SMTNL1: variants seen among roughly 807,000 people sequenced by gnomAD.
The protein encoded by SMTNL1 is smoothelin-like protein 1.
In SMTNL1, 41 loss-of-function variants were observed where a neutral mutation model predicts 46.6. The observed-to-expected ratio is 0.88, with a 90% CI of 0.69 to 1.14. The LOEUF is 1.14. Ranked by LOEUF, SMTNL1 falls within the 50% of genes most tolerant of loss-of-function variation. The probability of loss-of-function intolerance (pLI) is 0.00; values close to 1 mark genes in which losing one functional copy is unlikely to be tolerated. For missense variants in SMTNL1, 591 were observed against 626.1 expected (o/e 0.94, Z 0.60); for synonymous variants, 234 against 234.2 (o/e 1.00, Z 0.01).
At chr11:57,548,090 T>A (rs987565467) in intron 7 of SMTNL1, among the ~76,000 whole-genome samples, 1 of 152,122 alleles carries the variant, frequency 6.6e-6, no homozygotes, top group African/African-American at 2.4e-5. Flanking sequence ...GAGGAGTCTA[T>A]GAGAACGTCC....
intron 4 of SMTNL1, among the ~76,000 whole-genome samples, chr11:57,544,356 G>A (rs145465798): frequency 1.3e-5 from 2 of 152,266 alleles, no homozygotes; most frequent in Non-Finnish European, 1.5e-5. Context: ...CTGCAGCCTG[G>A]GCGACAGAGC....
rs936623491 is a variant in SMTNL1, at chr11:57,543,219, G to A, written c.577G>A (p.Ala193Thr). The A allele has an allele frequency of 6.2e-7, 1 of 1,613,888 alleles. No homozygotes were observed. The highest frequency in any genetic ancestry group is 8.5e-7 in the Non-Finnish European group (1 of 1,179,874). Reference protein sequence around the residue: ...KECSTEPKEKATDEEAKAESQ... With the variant: ...KECSTEPKEKTTDEEAKAESQ... The stretch of plus-strand genomic sequence containing the variant: ...GTGCAGCACTGAACCCAAGGAGAAG[G>A]CTACTGATGAAGAGGCCAAGGCTGA... Residue 193 changes from alanine (A) to threonine (T), a missense_variant, in exon 2 of 8, where the codon GCT (alanine) becomes ACT (threonine). Ala to Thr is a moderately conservative substitution (Grantham distance 58). Coordinates refer to ENST00000527972, the MANE Select transcript of SMTNL1 (RefSeq NM_001105565.3).
At chr11:57,539,185 TA>T (rs1349199751) in intron 1 of SMTNL1, among the ~76,000 whole-genome samples, 5 of 151,380 alleles carry the variant, frequency 3.3e-5, no homozygotes, top group Non-Finnish European at 5.9e-5. Flanking sequence ...CCCATCTCTA[TA>T]AAAAAAATAA....
intron 7 of SMTNL1, 55 bp from the exon 8 acceptor site, chr11:57,549,913 G>C: frequency 6.3e-7 from 1 of 1,596,684 alleles, no homozygotes; most frequent in Non-Finnish European, 8.6e-7. Context: ...CATCCCCTTG[G>C]CTCCCATATC....
intron 4 of SMTNL1, among the ~76,000 whole-genome samples, chr11:57,545,133 G>A (rs545569068): frequency 6.6e-5 from 10 of 151,740 alleles, no homozygotes; most frequent in African/African-American, 2.2e-4. Context: ...CACTGTGCCC[G>A]GCCTCCTTGT....
At position 57,546,243 on chromosome 11, in the gene SMTNL1, G is replaced by A. The variant is rs1255118053; in HGVS notation, c.1084G>A (p.Gly362Ser). ...CCTCTCCCCTCACAGGGCAGCTTCC[G>A]GCCCCACGGCCTTGTTCCGCAACAC... ...IVDKFGGAAS[G>S]PTALFRNTKA... is the part of the protein sequence containing the mutation. Residue 362 changes from glycine (G) to serine (S), a missense_variant, in exon 6 of 8, where the codon GGC (glycine) becomes AGC (serine). Transcript: ENST00000527972. 15 of 1,601,032 alleles carry A rather than the reference G, an allele frequency of 9.4e-6. No homozygotes were observed. Among genetic ancestry groups the A allele is most frequent in the African/African-American group, 1.3e-5 (1 of 74,694 alleles).
rs995645999 is a variant in SMTNL1 at position 57,540,538 on chromosome 11, G to C, written c.-2-2103G>C. ...CTAGTTTTCCACAGAACACAATGTG[G>C]AGAACCTGATCCAGATGAACCCCAT... On this transcript the variant is annotated intron_variant, in intron 1 of 7. Transcript: ENST00000527972. 3.3e-5 allele frequency among the ~76,000 whole-genome samples: 5 copies of C among 152,232 alleles called. No individual in the cohort carries two copies. The East Asian group carries it at 9.6e-4, about 29-fold the overall frequency.
Position 57,549,954 on chromosome 11 carries a change from A to C in SMTNL1, c.1341-14A>C, listed in dbSNP as rs1221081046. On this transcript the variant is annotated splice_polypyrimidine_tract_variant and intron_variant, in intron 7 of 7. Coordinates refer to ENST00000527972, the MANE Select transcript of SMTNL1 (RefSeq NM_001105565.3). Reference sequence around the variant, plus strand: ...CCTTTGACCTTCTGCTCCTCATTCCACCCCATTCCTTAGGAAACTGGCTGA... The same window carrying C: ...CCTTTGACCTTCTGCTCCTCATTCCCCCCCATTCCTTAGGAAACTGGCTGA... 6.2e-7 allele frequency: 1 copy of C among 1,612,786 alleles called. No homozygotes were observed.
chr11:57,550,127 C>T lies in SMTNL1; in HGVS notation c.*15C>T. 6.2e-7 allele frequency: 1 copy of T among 1,605,998 alleles called. No homozygotes were observed. Among genetic ancestry groups the T allele is most frequent in the Non-Finnish European group, 8.5e-7 (1 of 1,175,824 alleles). Reference sequence around the variant, plus strand: ...AGAAGAAGTGAGGAGGTGACTGGCTCTGTGGGCAGAGATGGGCAGGGTGCC... The same window carrying T: ...AGAAGAAGTGAGGAGGTGACTGGCTTTGTGGGCAGAGATGGGCAGGGTGCC... On this transcript the variant is annotated 3_prime_UTR_variant, in exon 8 of 8. Transcript: ENST00000527972.
In SMTNL1 at chr11:57,550,085, A is replaced by G; in HGVS notation, c.1458A>G (p.Lys486=). 6.2e-7 allele frequency: 1 copy of G among 1,613,600 alleles called. No individual in the cohort carries two copies. The highest frequency in any genetic ancestry group is 8.5e-7 in the Non-Finnish European group (1 of 1,179,744). Residue 486 remains lysine, a synonymous_variant, in exon 8 of 8, where the codon AAA becomes AAG. Transcript: ENST00000527972. ...AACTGTACCGCAGCCTTGTGCAGAA[A>G]GGACTGGTGAAGACCAAGAAGAAGT... is the stretch of plus-strand genomic sequence containing the variant. The part of the protein sequence containing the change: ...IQELYRSLVQ[K]GLVKTKKK
intron 4 of SMTNL1, among the ~76,000 whole-genome samples, chr11:57,545,092 C>T (rs961738368): frequency 6.6e-6 from 1 of 152,074 alleles, no homozygotes; most frequent in African/African-American, 2.4e-5. Flanking sequence ...CCACCTTGGC[C>T]TCCCAAAGTG....
At position 57,538,616 on chromosome 11, in the gene SMTNL1, C is replaced by T. The variant is rs184435841; in HGVS notation, c.-3+974C>T. Reference sequence around the variant, plus strand: ...GGGCCTTTGTAGGGACACTGGGCTGCGGAGCTAGTGGGAGCATATATTTGA... The same window carrying T: ...GGGCCTTTGTAGGGACACTGGGCTGTGGAGCTAGTGGGAGCATATATTTGA... On this transcript the variant is annotated intron_variant, in intron 1 of 7. Coordinates refer to ENST00000527972, the MANE Select transcript of SMTNL1 (RefSeq NM_001105565.3). Among the ~76,000 whole-genome samples the T allele has an allele frequency of 9.2e-3, 1,400 of 152,252 alleles. 10 individuals are homozygous for T. Among genetic ancestry groups the T allele is most frequent in the Non-Finnish European group, 0.012 (822 of 68,020 alleles).
chr11:57,545,960 C>T lies in SMTNL1; in HGVS notation c.997C>T (p.Arg333Cys), dbSNP rs369115170. The T allele has an allele frequency of 1.7e-4, 271 of 1,613,450 alleles. 1 individual carries two copies. In the African/African-American group the frequency reaches 3.0e-3, roughly 18 times the overall value. The change falls in exon 5 of 8, where the codon CGC becomes TGC. Residue 333 changes from arginine to cysteine, a missense_variant. By Grantham distance (180) the Arg-to-Cys change is radical (BLOSUM62 -3). Transcript: ENST00000527972. ...SGEKKEKAPE[R>C]RVSAPARPRG... The stretch of plus-strand genomic sequence containing the variant: ...GGAGAAGAAGGAGAAGGCACCAGAG[C>T]GCAGGGTATCAGCCCCTGCTCGGCC...
At chr11:57,543,421 T>G in intron 2 of SMTNL1, 47 bp downstream of exon 2, 1 of 1,582,588 alleles carries the variant, frequency 6.3e-7, no homozygotes, top group Non-Finnish European at 8.6e-7. Flanking sequence ...GTCTCCTGCT[T>G]CTGGAAGCAA....
rs1271623079 is a variant in SMTNL1, at chr11:57,542,788, A to C, written c.146A>C (p.Glu49Ala). The C allele has an allele frequency of 6.2e-7, 1 of 1,613,812 alleles. No individual in the cohort carries two copies. Among genetic ancestry groups the C allele is most frequent in the African/African-American group, 1.3e-5 (1 of 74,940 alleles). ...GCCATCAATGAGGGGCCTCCCACTGAGTCAGGAAAGCAGGAAAAGGCACCA... is the reference window on the plus strand; with the variant it reads ...GCCATCAATGAGGGGCCTCCCACTGCGTCAGGAAAGCAGGAAAAGGCACCA... ...GKAINEGPPT[E>A]SGKQEKAPAE... Residue 49 changes from glutamate to alanine, a missense_variant, in exon 2 of 8, where the codon GAG (glutamate) becomes GCG (alanine). Transcript: ENST00000527972.
chr11:57,545,252 A>G (rs1265751761), intron 4 of SMTNL1, among the ~76,000 whole-genome samples: 1 of 152,154 alleles, frequency 6.6e-6, no homozygotes, highest in Non-Finnish European at 1.5e-5. Flanking sequence ...TCCTCATTTT[A>G]CAGATGAGGA....
rs558985418 is a variant in SMTNL1, at chr11:57,547,201, A to G, written c.1340+549A>G. Among the ~76,000 whole-genome samples the G allele has an allele frequency of 1.1e-4, 16 of 152,358 alleles. No individual in the cohort carries two copies. In the South Asian group the frequency reaches 1.5e-3, roughly 14 times the overall value. On this transcript the variant is annotated intron_variant, in intron 7 of 7. Coordinates refer to ENST00000527972, the MANE Select transcript of SMTNL1 (RefSeq NM_001105565.3). ...AGTCTGGACTTACAGCTCTAAGTGA[A>G]TATCAGAAGGGCAAGCAGCTCTGCT...
intron 1 of SMTNL1, chr11:57,541,414 C>T (rs1379046194): frequency 2.0e-5 from 24 of 1,225,700 alleles, no homozygotes; most frequent in East Asian, 1.0e-4. Flanking sequence ...AGGAGCTAAC[C>T]CGGGGCCCCC....
At chr11:57,547,355 C>T (rs1028593278) in intron 7 of SMTNL1, among the ~76,000 whole-genome samples, 7 of 152,084 alleles carry the variant, frequency 4.6e-5, no homozygotes, top group African/African-American at 1.4e-4. Context: ...AAAGACAGGC[C>T]GACAGGAGGC....
Sources: allele counts gnomAD v4.1 joint callset (sites outside exome capture counted in the v4.1 genomes callset), GRCh38; gene constraint gnomAD v4.1.1; transcripts MANE v1.5; gene names NCBI Gene and HGNC (gene_info 2026-07-23, HGNC 2026-07-21).